Variants in MYO5B observed in about 807,000 individuals in gnomAD.
MYO5B encodes the protein unconventional myosin-Vb.
Under a neutral mutation model 229.3 loss-of-function variants are expected in MYO5B, and 143 were observed. The ratio of observed to expected loss-of-function variants is 0.62; its 90% CI spans 0.54 to 0.72. The LOEUF is 0.72. MYO5B is among the 30% of genes least tolerant of loss of function. The pLI, the probability that MYO5B is intolerant of heterozygous loss-of-function variation, is 0.00. For missense variants in MYO5B, 2,321 were observed against 2,331.0 expected (o/e 1.00, Z 0.09); for synonymous variants, 918 against 885.2 (o/e 1.04, Z -0.66).
intron 4 of MYO5B, among the ~76,000 whole-genome samples, chr18:50,013,999 C>G (rs1030004974): frequency 6.6e-6 from 1 of 152,194 alleles, no homozygotes; most frequent in African/African-American, 2.4e-5. Context: ...ATCCAAGACA[C>G]AGAGCTCTAC....
intron 1 of MYO5B, among the ~76,000 whole-genome samples, chr18:50,121,690 A>T (rs1485445287): frequency 6.6e-6 from 1 of 152,186 alleles, no homozygotes; most frequent in Non-Finnish European, 1.5e-5. Flanking sequence ...CACCCACTTA[A>T]ATGGTCACAG....
Position 49,912,085 on chromosome 18 carries a change from AC to A in MYO5B, c.2178del (p.Arg726SerfsTer45), listed in dbSNP as rs1468782737. ...LANTDKKAIC[R>X]SVLENLIKDP... is the part of the protein sequence containing the mutation. ...ACCTTGATGAGGTTCTCCAGGACAG[AC>A]CTGCAGATGGCCTTTTTGTCTGTGT... On this transcript the variant is annotated frameshift_variant, in exon 18 of 40. Coordinates refer to ENST00000285039, the MANE Select transcript of MYO5B (RefSeq NM_001080467.3). LOFTEE classifies it high-confidence loss of function. The A allele has an allele frequency of 2.5e-6, 4 of 1,614,006 alleles. No individual in the cohort carries two copies. Among genetic ancestry groups the A allele is most frequent in the African/African-American group, 2.7e-5 (2 of 75,004 alleles).
chr18:49,970,283 C>T (rs1390930315), intron 10 of MYO5B, among the ~76,000 whole-genome samples: 2 of 152,190 alleles, frequency 1.3e-5, no homozygotes, highest in African/African-American at 4.8e-5. Context: ...CTTGGGGTGA[C>T]TAAATTGTTC....
chr18:49,901,932 G>A (rs1022904897), intron 21 of MYO5B, among the ~76,000 whole-genome samples: 7 of 152,178 alleles, frequency 4.6e-5, no homozygotes, highest in African/African-American at 1.7e-4. Context: ...CAGTCAAAGC[G>A]CCAGCCCCAT....
chr18:49,998,797 G>A (rs185653790), intron 5 of MYO5B, among the ~76,000 whole-genome samples: 2 of 152,322 alleles, frequency 1.3e-5, no homozygotes, highest in Non-Finnish European at 2.9e-5. Context: ...CTTGTGTGGG[G>A]GTACCTAGAA....
At chr18:49,897,813 T>C (rs1214441700) in intron 21 of MYO5B, among the ~76,000 whole-genome samples, 2 of 152,196 alleles carry the variant, frequency 1.3e-5, no homozygotes, top group Admixed American at 6.5e-5. Flanking sequence ...GTGGACAGTT[T>C]ATAAAGTCGA....
chr18:50,095,422 A>G (rs2031531933), intron 1 of MYO5B, among the ~76,000 whole-genome samples: 1 of 152,194 alleles, frequency 6.6e-6, no homozygotes, highest in Admixed American at 6.5e-5. Flanking sequence ...AAAACTAAAA[A>G]GTTTAATCAC....
intron 14 of MYO5B, among the ~76,000 whole-genome samples, chr18:49,939,259 C>T (rs565828727): frequency 4.0e-4 from 61 of 150,914 alleles, no homozygotes; most frequent in African/African-American, 1.5e-3. Flanking sequence ...GATTCTCCTG[C>T]CTCAGTGTCC....
chr18:50,041,069 T>A (rs1438263578), intron 2 of MYO5B, among the ~76,000 whole-genome samples: 1 of 152,306 alleles, frequency 6.6e-6, no homozygotes, highest in Non-Finnish European at 1.5e-5. Flanking sequence ...TTTAAACATT[T>A]AAACAGGAGG....
chr18:50,001,270 G>C lies in MYO5B; in HGVS notation c.597C>G (p.Ser199=), dbSNP rs775207600. 1 of 1,614,202 alleles carries C rather than the reference G, an allele frequency of 6.2e-7. No homozygotes were observed. The highest frequency in any genetic ancestry group is 1.1e-5 in the South Asian group (1 of 91,082). ...ETNIEEKVLA[S]SPIMEAIGNA... ...AAGGCTTTACCTCCATGATGGGACT[G>C]GATGCCAGCACCTTCTCTTCGATGT... Residue 199 remains serine, a synonymous_variant, in exon 5 of 40, where the codon TCC becomes TCG. Transcript: ENST00000285039.
intron 1 of MYO5B, among the ~76,000 whole-genome samples, chr18:50,119,584 G>C (rs994584561): frequency 1.3e-5 from 2 of 152,140 alleles, no homozygotes; most frequent in Non-Finnish European, 2.9e-5. Context: ...GGGAGATTCC[G>C]GAGCTTTCCC....
chr18:49,849,423 C>T, intron 32 of MYO5B, 144 bp downstream of exon 32: 1 of 769,512 alleles, frequency 1.3e-6, no homozygotes, highest in Non-Finnish European at 2.4e-6. Context: ...GATCCAACTT[C>T]TATCGCCTGG....
At chr18:49,983,050 C>A (rs2025833331) in intron 8 of MYO5B, among the ~76,000 whole-genome samples, 2 of 152,112 alleles carry the variant, frequency 1.3e-5, no homozygotes, top group Admixed American at 1.3e-4. Context: ...AAGTCTGCTC[C>A]AAACCTGCCC....
At chr18:50,106,397 G>A (rs1466239798) in intron 1 of MYO5B, among the ~76,000 whole-genome samples, 1 of 152,054 alleles carries the variant, frequency 6.6e-6, no homozygotes, top group Non-Finnish European at 1.5e-5. Context: ...ACTGTTCTTG[G>A]GACCCAAGTC....
At chr18:50,168,980 GT>G (rs1226830087) in intron 1 of MYO5B, among the ~76,000 whole-genome samples, 1 of 125,296 alleles carries the variant, frequency 8.0e-6, no homozygotes, top group African/African-American at 3.0e-5. Context: ...TGAGTGATCT[GT>G]CCCCATAAAG....
chr18:50,010,234 G>A (rs1417574846), intron 4 of MYO5B, among the ~76,000 whole-genome samples: 1 of 152,220 alleles, frequency 6.6e-6, no homozygotes, highest in Non-Finnish European at 1.5e-5. Context: ...CCCTTGGAGT[G>A]CTAAGCGCTA....
At chr18:50,090,107 C>T (rs575698517) in intron 1 of MYO5B, among the ~76,000 whole-genome samples, 2 of 152,290 alleles carry the variant, frequency 1.3e-5, no homozygotes, top group African/African-American at 4.8e-5. Flanking sequence ...GAGCTTCCTC[C>T]TTGCCTATTA....
chr18:50,109,486 C>T lies in MYO5B; in HGVS notation c.28-54108G>A, dbSNP rs912485278. ...TGTCGCCCAGGCTGGAGTGCAGTGG[C>T]GTGATCTCAGCTCACTGCAAGCTCC... On this transcript the variant is annotated intron_variant, in intron 1 of 39. Coordinates refer to ENST00000285039, the MANE Select transcript of MYO5B (RefSeq NM_001080467.3). Among the ~76,000 whole-genome samples, 8 of 150,810 alleles carry T rather than the reference C, an allele frequency of 5.3e-5. No homozygotes were observed. In the East Asian group the frequency reaches 7.8e-4, roughly 15 times the overall value.
chr18:49,846,082 T>C (rs2024122536), intron 33 of MYO5B, among the ~76,000 whole-genome samples: 1 of 152,032 alleles, frequency 6.6e-6, no homozygotes, highest in African/African-American at 2.4e-5. Context: ...AGGGAGCACA[T>C]GGGGGTGGGA....
Sources: allele counts gnomAD v4.1 joint callset (sites outside exome capture counted in the v4.1 genomes callset), GRCh38; gene constraint gnomAD v4.1.1; transcripts MANE v1.5; gene names NCBI Gene and HGNC (gene_info 2026-07-23, HGNC 2026-07-21).